The following MYH15 variants were observed in gnomAD, a reference collection of about 807,000 sequenced individuals.
MYH15 encodes myosin heavy chain 15, also known as myosin-15.
Under a neutral mutation model 240.5 loss-of-function variants are expected in MYH15, and 227 were observed. The observed-to-expected ratio is 0.94, with a 90% CI of 0.85 to 1.05. The LOEUF (loss-of-function observed/expected upper bound fraction) is 1.05. Ranked by LOEUF, MYH15 falls within the 50% of genes least tolerant of loss-of-function variation. The pLI, the probability that MYH15 is intolerant of heterozygous loss-of-function variation, is 0.00. For missense variants in MYH15, 2,217 were observed against 2,247.5 expected (o/e 0.99, Z 0.27); for synonymous variants, 785 against 796.7 (o/e 0.99, Z 0.25).
intron 1 of MYH15, among the ~76,000 whole-genome samples, chr3:108,528,198 AAATAC>A (rs1451084914): frequency 1.3e-5 from 2 of 152,198 alleles, no homozygotes; most frequent in African/African-American, 4.8e-5. Flanking sequence ...TTTTCATTTT[AAATAC>A]AATAATATCT....
chr3:108,533,137 T>TTTTTG (rs57336631), upstream of MYH15, among the ~76,000 whole-genome samples: 12 of 132,826 alleles, frequency 9.0e-5, no homozygotes, highest in East Asian at 1.6e-3. Flanking sequence ...TTTTTTTTTT[T>TTTTTG]CATGAGTATT....
At chr3:108,544,263 A>C in the MYH15 span, among the ~76,000 whole-genome samples, 2 of 152,190 alleles carry the variant, frequency 1.3e-5, no homozygotes, top group Non-Finnish European at 2.9e-5. Context: ...CACTTTCCTA[A>C]ATAGAGAATC....
At chr3:108,401,587 G>A (rs1697251906) in intron 33 of MYH15, among the ~76,000 whole-genome samples, 1 of 152,184 alleles carries the variant, frequency 6.6e-6, no homozygotes, top group African/African-American at 2.4e-5. Context: ...GTCCTACATT[G>A]GGAAACTCTC....
chr3:108,492,597 T>C lies in MYH15; in HGVS notation c.776-2A>G. The C allele has an allele frequency of 6.2e-7, 1 of 1,607,426 alleles. No homozygotes were observed. The highest frequency in any genetic ancestry group is 8.5e-7 in the Non-Finnish European group (1 of 1,174,632). On this transcript the variant is annotated splice_acceptor_variant, in intron 8 of 40. Coordinates refer to ENST00000693548, the MANE Select transcript of MYH15 (RefSeq NM_014981.3). LOFTEE classifies it high-confidence loss of function. ...TCACCCTGGACTTTTCAAGCAAATC[T>C]GGATGATGAGAAATGAATAAAAATT...
At chr3:108,412,681 G>A (rs2082603545) in intron 30 of MYH15, among the ~76,000 whole-genome samples, 2 of 152,170 alleles carry the variant, frequency 1.3e-5, no homozygotes, top group Non-Finnish European at 1.5e-5. Flanking sequence ...TATGTAAAGG[G>A]ATATTGGAAA....
the MYH15 span, among the ~76,000 whole-genome samples, chr3:108,538,077 T>C: frequency 6.6e-6 from 1 of 152,346 alleles, no homozygotes; most frequent in Non-Finnish European, 1.5e-5. Context: ...CACTGATTTT[T>C]ATCCCAGATC....
At chr3:108,389,120 G>T in intron 37 of MYH15, 46 bp from the exon 38 acceptor site, 1 of 1,543,376 alleles carries the variant, frequency 6.5e-7, no homozygotes, top group Non-Finnish European at 8.9e-7. Flanking sequence ...CACCAAGTCT[G>T]GCATTCTATT....
At chr3:108,457,102 T>C (rs1170536651) in intron 18 of MYH15, among the ~76,000 whole-genome samples, 1 of 152,200 alleles carries the variant, frequency 6.6e-6, no homozygotes, top group African/African-American at 2.4e-5. Context: ...GAAATTCCTT[T>C]AACATGGAAC....
At chr3:108,492,914 C>T (rs896370148) in intron 8 of MYH15, among the ~76,000 whole-genome samples, 200 bp downstream of exon 8, 5 of 151,498 alleles carry the variant, frequency 3.3e-5, no homozygotes, top group Non-Finnish European at 7.4e-5. Flanking sequence ...CATGCCACGG[C>T]ACTCCAGCCT....
chr3:108,457,686 A>G (rs1310211177), intron 18 of MYH15, among the ~76,000 whole-genome samples: 3 of 152,272 alleles, frequency 2.0e-5, no homozygotes, highest in Admixed American at 6.5e-5. Context: ...TAAATCATAT[A>G]CCCATATTTC....
chr3:108,547,080 C>CATATATATAT, the MYH15 span, among the ~76,000 whole-genome samples: 2 of 148,874 alleles, frequency 1.3e-5, no homozygotes, highest in African/African-American at 4.9e-5. Flanking sequence ...AAAAATAGGC[C>CATATATATAT]ATATATATAT....
upstream of MYH15, among the ~76,000 whole-genome samples, chr3:108,532,606 T>G (rs955733607): frequency 6.6e-6 from 1 of 152,214 alleles, no homozygotes; most frequent in Non-Finnish European, 1.5e-5. Flanking sequence ...CAATTTCTTA[T>G]GAGAAATCTC....
At chr3:108,481,235 AT>A (rs1211809362) in intron 11 of MYH15, among the ~76,000 whole-genome samples, 2 of 152,358 alleles carry the variant, frequency 1.3e-5, no homozygotes, top group East Asian at 3.9e-4. Flanking sequence ...ATATGTGCAT[AT>A]TCAACTAGAA....
At chr3:108,463,375 C>CATA in intron 15 of MYH15, 132 bp from the exon 16 acceptor site, 1 of 979,070 alleles carries the variant, frequency 1.0e-6, no homozygotes, top group Non-Finnish European at 1.5e-6. Flanking sequence ...AATGCAGTGG[C>CATA]ATAGTCACAG....
At chr3:108,513,162 A>G (rs1463641357), upstream of MYH15, among the ~76,000 whole-genome samples, 2 of 152,214 alleles carry the variant, frequency 1.3e-5, no homozygotes, top group East Asian at 3.8e-4. Context: ...CCTTGCCAGC[A>G]AAAGAATCAG....
At chr3:108,499,428 A>G in intron 5 of MYH15, 27 bp downstream of exon 5, 1 of 1,612,004 alleles carries the variant, frequency 6.2e-7, no homozygotes, top group Non-Finnish European at 8.5e-7. Flanking sequence ...CTTCAGGCCA[A>G]AAAAGAAAAA....
chr3:108,450,030 T>C (rs2082959736), intron 21 of MYH15, among the ~76,000 whole-genome samples: 1 of 152,066 alleles, frequency 6.6e-6, no homozygotes, highest in South Asian at 2.1e-4. Flanking sequence ...CTCACACCTG[T>C]TAGAATGGCT....
At chr3:108,531,630 A>C (rs2083710805), upstream of MYH15, among the ~76,000 whole-genome samples, 1 of 152,068 alleles carries the variant, frequency 6.6e-6, no homozygotes, top group African/African-American at 2.4e-5. Flanking sequence ...ATACAAAAAA[A>C]TTAGCCAGGC....
At chr3:108,523,929 A>T (rs2083644234) in intron 1 of MYH15, among the ~76,000 whole-genome samples, 1 of 151,972 alleles carries the variant, frequency 6.6e-6, no homozygotes, top group Middle Eastern at 3.2e-3. Context: ...ATTTCACATC[A>T]TACCATATGT....
Sources: gnomAD v4.1 joint callset for allele counts (sites outside exome capture counted in the v4.1 genomes callset) on GRCh38, gnomAD v4.1.1 for gene constraint, MANE v1.5 for transcripts, NCBI Gene and HGNC (gene_info 2026-07-23, HGNC 2026-07-21) for gene names.